RIMS1: variants seen among roughly 807,000 people sequenced by gnomAD.
The protein encoded by RIMS1 is regulating synaptic membrane exocytosis 1, also known as regulating synaptic membrane exocytosis protein 1.
In RIMS1, 83 loss-of-function variants were observed where a neutral mutation model predicts 214.1. That is an observed-to-expected ratio of 0.39 (90% CI 0.32 to 0.47). RIMS1 has a LOEUF of 0.47. Among genes scored for constraint, RIMS1 ranks in the 20% least tolerant of loss-of-function variants. The pLI is 0.99. For missense variants in RIMS1, 2,050 were observed against 2,161.8 expected (o/e 0.95, Z 1.03); for synonymous variants, 793 against 786.8 (o/e 1.01, Z -0.13).
At chr6:72,179,554 T>G in intron 4 of RIMS1, 21 bp from the exon 5 acceptor site, 1 of 1,570,386 alleles carries the variant, frequency 6.4e-7, no homozygotes, top group Non-Finnish European at 8.7e-7. Context: ...AAATTTATAT[T>G]GTTCTTTCTT....
chr6:72,248,021 G>A lies in RIMS1; in HGVS notation c.2135G>A (p.Ser712Asn). The A allele has an allele frequency of 1.2e-6, 2 of 1,608,020 alleles. No homozygotes were observed. Among genetic ancestry groups the A allele is most frequent in the Non-Finnish European group, 1.7e-6 (2 of 1,175,086 alleles). ...SSHPPLESSS[S>N]SFESQKMERP... ...CTTTTTTTTCTCATTTTAGGTTCAA[G>A]TTCCTTTGAATCTCAGAAGATGGAA... Residue 712 changes from serine to asparagine, a missense_variant, in exon 12 of 34, where the codon AGT becomes AAT. Transcript: ENST00000521978.
rs5877314 is a variant in RIMS1, at chr6:72,168,721, G to GT, written c.472-10832dup. 9.6e-4 allele frequency among the ~76,000 whole-genome samples: 97 copies of GT among 101,166 alleles called. 3 individuals carry two copies. The highest frequency in any genetic ancestry group is 2.1e-3 in the South Asian group (6 of 2,910). The allele number at this position is 101,166 out of a possible 152,430, so 66.4% of individuals were successfully genotyped here. On this transcript the variant is annotated intron_variant, in intron 4 of 33. Coordinates refer to ENST00000521978, the MANE Select transcript of RIMS1 (RefSeq NM_014989.7). ...GAAGCTGCTGATCACTAGTTTCAGG[G>GT]TTTTTTTTTTTTTTTTTTTTTTCTA... is the stretch of plus-strand genomic sequence containing the variant.
At chr6:72,048,826 G>C (rs1823797231) in intron 2 of RIMS1, among the ~76,000 whole-genome samples, 1 of 152,162 alleles carries the variant, frequency 6.6e-6, no homozygotes. Context: ...TTTGAGGAAG[G>C]GGTGGACTGC....
At position 72,179,704 on chromosome 6, in the gene RIMS1, G is replaced by T. The variant is rs1167425770; in HGVS notation, c.601G>T (p.Gly201Cys). ...CCTGAGTGATACAGCTACAGGTGCT[G>T]GCTCTGAGGTACCAAGAGAAAAGAA... ...GTLSDTATGA[G>C]SEVPREKKAR... is the part of the protein sequence containing the mutation. Residue 201 changes from glycine (G) to cysteine (C), a missense_variant, in exon 5 of 34, where the codon GGC (glycine) becomes TGC (cysteine). Physicochemically the swap from Gly to Cys is radical, Grantham distance 159. Around this residue, in one of 6 missense-constraint regions of RIMS1, gnomAD observed 882 missense variants for 828.9 expected, o/e 1.06. Coordinates refer to ENST00000521978, the MANE Select transcript of RIMS1 (RefSeq NM_014989.7). 2.5e-6 allele frequency: 4 copies of T among 1,613,914 alleles called. No homozygotes were observed. Among genetic ancestry groups the T allele is most frequent in the Non-Finnish European group, 3.4e-6 (4 of 1,179,886 alleles).
At position 72,290,780 on chromosome 6, in the gene RIMS1, A is replaced by AG. The variant is rs1467112481; in HGVS notation, c.3657dup (p.His1220AlafsTer3). 6.2e-7 allele frequency: 1 copy of AG among 1,613,754 alleles called. No homozygotes were observed. Among genetic ancestry groups the AG allele is most frequent in the Non-Finnish European group, 8.5e-7 (1 of 1,179,808 alleles). On this transcript the variant is annotated frameshift_variant, in exon 25 of 34. Transcript: ENST00000521978. LOFTEE classifies it high-confidence loss of function. ...CATCCTGCTCGCTCAAGGTCGAGTG[A>AG]GCACTCTAGTATCAGAACACTGTGT...
intron 4 of RIMS1, among the ~76,000 whole-genome samples, chr6:72,145,272 T>C (rs1438503616): frequency 6.6e-6 from 1 of 152,152 alleles, no homozygotes; most frequent in Non-Finnish European, 1.5e-5. Context: ...GGTAAATTCC[T>C]CTCTTCTTGA....
chr6:72,279,019 A>C (rs1344283122), intron 23 of RIMS1, among the ~76,000 whole-genome samples: 1 of 152,040 alleles, frequency 6.6e-6, no homozygotes, highest in Non-Finnish European at 1.5e-5. Flanking sequence ...TCCAAGGCAG[A>C]ACAGACTATG....
intron 6 of RIMS1, among the ~76,000 whole-genome samples, chr6:72,194,649 T>C (rs1435352633): frequency 2.0e-5 from 3 of 152,148 alleles, no homozygotes; most frequent in African/African-American, 7.2e-5. Context: ...TTTTGCTGTC[T>C]CACAAAACCA....
At chr6:72,375,611 G>A (rs1361065375) in intron 29 of RIMS1, among the ~76,000 whole-genome samples, 2 of 152,132 alleles carry the variant, frequency 1.3e-5, no homozygotes, top group Non-Finnish European at 2.9e-5. Context: ...GGAGAGTGCA[G>A]CTACCTTGAG....
chr6:72,172,942 C>T (rs770346946), intron 4 of RIMS1, among the ~76,000 whole-genome samples: 1 of 152,118 alleles, frequency 6.6e-6, no homozygotes, highest in Non-Finnish European at 1.5e-5. Flanking sequence ...TGGGACTTCC[C>T]TTAACATTTG....
At chr6:72,164,308 G>A (rs1237166015) in intron 4 of RIMS1, among the ~76,000 whole-genome samples, 2 of 152,114 alleles carry the variant, frequency 1.3e-5, no homozygotes, top group African/African-American at 4.8e-5. Context: ...CTTTGACTAG[G>A]AAAGGGAATT....
intron 1 of RIMS1, among the ~76,000 whole-genome samples, chr6:71,903,879 A>C (rs1774504166): frequency 6.6e-6 from 1 of 152,134 alleles, no homozygotes. Flanking sequence ...CCATTTCAAA[A>C]ATTAATACAT....
chr6:72,327,125 G>A (rs1357796296), intron 28 of RIMS1, among the ~76,000 whole-genome samples: 2 of 151,564 alleles, frequency 1.3e-5, no homozygotes, highest in African/African-American at 2.4e-5. Context: ...TAATAAATTT[G>A]TGTTGTTTTA....
intron 29 of RIMS1, among the ~76,000 whole-genome samples, chr6:72,342,631 G>A (rs902188386): frequency 3.8e-5 from 3 of 78,222 alleles, no homozygotes; most frequent in South Asian, 1.2e-3. Context: ...AGATGGGTGT[G>A]TGTGTGTGTG....
At chr6:72,377,374 A>G (rs2098408773) in intron 29 of RIMS1, among the ~76,000 whole-genome samples, 1 of 152,168 alleles carries the variant, frequency 6.6e-6, no homozygotes, top group South Asian at 2.1e-4. Context: ...ATGCAGGGCC[A>G]TTGAGGCAGG....
At chr6:72,338,308 C>T (rs35951236) in intron 29 of RIMS1, among the ~76,000 whole-genome samples, 69,829 of 145,822 alleles carry the variant, frequency 0.48, 16,511 homozygotes, top group Non-Finnish European at 0.51. Flanking sequence ...TGGTATCTGA[C>T]TGTGGTTTTG....
At chr6:72,311,396 TAGTC>T (rs1294124143) in intron 27 of RIMS1, among the ~76,000 whole-genome samples, 2 of 152,222 alleles carry the variant, frequency 1.3e-5, no homozygotes, top group East Asian at 1.9e-4. Context: ...TGAATTGTGT[TAGTC>T]AGAATCATGT....
intron 29 of RIMS1, among the ~76,000 whole-genome samples, chr6:72,347,526 A>G (rs1309088402): frequency 6.6e-6 from 1 of 151,896 alleles, no homozygotes; most frequent in Non-Finnish European, 1.5e-5. Context: ...TAGGCCACAG[A>G]TATTGTGCAC....
intron 2 of RIMS1, among the ~76,000 whole-genome samples, chr6:72,064,809 T>A (rs1172846207): frequency 1.3e-5 from 2 of 152,206 alleles, no homozygotes; most frequent in Non-Finnish European, 2.9e-5. Flanking sequence ...TGCGGGGTTC[T>A]GTTTGAAAGA....
Sources: allele counts gnomAD v4.1 joint callset (sites outside exome capture counted in the v4.1 genomes callset), GRCh38; gene constraint gnomAD v4.1.1; regional missense constraint gnomAD v4.1.1; transcripts MANE v1.5; gene names NCBI Gene and HGNC (gene_info 2026-07-23, HGNC 2026-07-21).